The following SCG5 variants were observed in gnomAD, a reference collection of about 807,000 sequenced individuals.
The protein encoded by SCG5 is neuroendocrine protein 7B2.
SCG5 carries 18 observed loss-of-function variants against 25.7 expected under a neutral mutation model. The observed-to-expected ratio is 0.70, with a 90% CI of 0.48 to 1.04. The LOEUF (loss-of-function observed/expected upper bound fraction) is 1.04. Among genes scored for constraint, SCG5 ranks in the 50% least tolerant of loss-of-function variants. SCG5 has a pLI of 0.00. For synonymous variants in SCG5, 101 were observed against 91.7 expected (o/e 1.10, Z -0.58); for missense variants, 206 against 259.8 (o/e 0.79, Z 1.42).
intron 3 of SCG5, among the ~76,000 whole-genome samples, chr15:32,683,865 C>T (rs1335183602): frequency 6.6e-6 from 1 of 152,186 alleles, no homozygotes; most frequent in Non-Finnish European, 1.5e-5. Flanking sequence ...TCCAAGAAGC[C>T]AAAGTAGTTT....
At chr15:32,677,745 G>A (rs919911535) in intron 2 of SCG5, 1 of 152,234 alleles carries the variant, frequency 6.6e-6, no homozygotes, top group African/African-American at 2.4e-5. Flanking sequence ...CATGGAGTTG[G>A]TAAGTATGAA....
chr15:32,678,973 T>TA (rs1236180396), intron 2 of SCG5, among the ~76,000 whole-genome samples: 1 of 152,242 alleles, frequency 6.6e-6, no homozygotes, highest in African/African-American at 2.4e-5. Flanking sequence ...GTGGTTGAGC[T>TA]AAAATAGCAG....
intron 3 of SCG5, 112 bp downstream of exon 3, chr15:32,680,027 GC>G: frequency 2.0e-6 from 2 of 1,021,980 alleles, no homozygotes; most frequent in Non-Finnish European, 2.9e-6. Context: ...ATTCTGATGA[GC>G]CCATGTGTAT....
At position 32,663,078 on chromosome 15, in the gene SCG5, TA is replaced by T. The variant is rs796385048; in HGVS notation, c.227-16686del. Among the ~76,000 whole-genome samples, 166 of 52,194 alleles carry T rather than the reference TA, an allele frequency of 3.2e-3. 5 individuals carry two copies. The East Asian group carries it at 0.062, about 19-fold the overall frequency. The allele number at this position is 52,194 out of a possible 152,430, so 34.2% of individuals were successfully genotyped here. On this transcript the variant is annotated intron_variant, in intron 2 of 5. Coordinates refer to ENST00000300175, the MANE Select transcript of SCG5 (RefSeq NM_001144757.3). ...ATATATATATATATATATATATATA[TA>T]ATATATAATATGTTATATATACACA...
chr15:32,656,951 C>T (rs963663960), intron 2 of SCG5, among the ~76,000 whole-genome samples: 12 of 151,350 alleles, frequency 7.9e-5, no homozygotes, highest in African/African-American at 2.9e-4. Context: ...AGGAAGAGCA[C>T]TGAGGCAGGA....
chr15:32,656,372 C>T (rs558233307), intron 2 of SCG5: 6 of 152,318 alleles, frequency 3.9e-5, no homozygotes, highest in African/African-American at 1.2e-4. Context: ...GTGGATCAGG[C>T]ACATGTAGGA....
rs2140567465 is a variant in SCG5 at position 32,678,445 on chromosome 15, C to T, written c.227-1321C>T. Reference sequence around the variant, plus strand: ...TAAATATATGGGAAGATATTTGACCCAGCTGGTAATCAAAGACATTCAAAA... The same window carrying T: ...TAAATATATGGGAAGATATTTGACCTAGCTGGTAATCAAAGACATTCAAAA... On this transcript the variant is annotated intron_variant, in intron 2 of 5. Coordinates refer to ENST00000300175, the MANE Select transcript of SCG5 (RefSeq NM_001144757.3). 2.0e-5 allele frequency among the ~76,000 whole-genome samples: 3 copies of T among 152,154 alleles called. No individual in the cohort carries two copies. The South Asian group carries it at 6.2e-4, about 32-fold the overall frequency.
At chr15:32,695,037 A>T (rs1290712497) in intron 5 of SCG5, among the ~76,000 whole-genome samples, 11 of 144,138 alleles carry the variant, frequency 7.6e-5, no homozygotes, top group Non-Finnish European at 1.3e-4. Context: ...CTTTTTTGAG[A>T]TGGAGTCTCG....
chr15:32,647,599 C>A (rs1222731370), intron 2 of SCG5, among the ~76,000 whole-genome samples: 2 of 152,168 alleles, frequency 1.3e-5, no homozygotes, highest in African/African-American at 4.8e-5. Context: ...AGCTGCCTTT[C>A]ACAGCCTTTC....
At chr15:32,682,961 C>A (rs1032110962) in intron 3 of SCG5, among the ~76,000 whole-genome samples, 9 of 152,202 alleles carry the variant, frequency 5.9e-5, no homozygotes, top group African/African-American at 2.2e-4. Flanking sequence ...TTATCTGCAT[C>A]TCAGTCAGGG....
intron 2 of SCG5, among the ~76,000 whole-genome samples, chr15:32,652,534 G>C (rs1013529575): frequency 6.6e-6 from 1 of 152,162 alleles, no homozygotes; most frequent in African/African-American, 2.4e-5. Flanking sequence ...GAGGAGGTGG[G>C]AGAGGATGAG....
At chr15:32,693,420 C>T (rs759045757) in intron 5 of SCG5, among the ~76,000 whole-genome samples, 3 of 152,172 alleles carry the variant, frequency 2.0e-5, no homozygotes, top group Non-Finnish European at 4.4e-5. Flanking sequence ...ATATCAAGTT[C>T]TTCCTGTTCT....
intron 2 of SCG5, among the ~76,000 whole-genome samples, chr15:32,667,566 C>G (rs995413430): frequency 6.6e-6 from 1 of 152,212 alleles, no homozygotes; most frequent in Non-Finnish European, 1.5e-5. Flanking sequence ...GCTTTGTGGC[C>G]GCCTTTGAGT....
At chr15:32,686,057 C>G (rs114974150) in intron 4 of SCG5, among the ~76,000 whole-genome samples, 2 of 152,184 alleles carry the variant, frequency 1.3e-5, no homozygotes, top group Admixed American at 1.3e-4. Context: ...CTGTCTTCAA[C>G]ATACACACAT....
chr15:32,689,554 G>T (rs1271907998), intron 4 of SCG5, among the ~76,000 whole-genome samples: 1 of 152,146 alleles, frequency 6.6e-6, no homozygotes, highest in East Asian at 1.9e-4. Flanking sequence ...TAATGAACTT[G>T]AACCTGCTAC....
chr15:32,691,845 G>A (rs1555437895), intron 5 of SCG5, 82 bp downstream of exon 5: 1 of 1,563,536 alleles, frequency 6.4e-7, no homozygotes, highest in Non-Finnish European at 8.7e-7. Flanking sequence ...ACCCTCGCTT[G>A]TTGGGAAGTC....
rs769370692 is a variant in SCG5 at position 32,679,809 on chromosome 15, C to T, written c.270C>T (p.Asn90=). ...TTCAGCATTTGGGTCCTTTTGGCAACATCCCCAACATCGTGGCAGAGTTGA... is the reference window on the plus strand; with the variant it reads ...TTCAGCATTTGGGTCCTTTTGGCAATATCCCCAACATCGTGGCAGAGTTGA... ...EGLQHLGPFG[N]IPNIVAELTG... Residue 90 remains asparagine, a synonymous_variant, in exon 3 of 6, where the codon AAC becomes AAT. Coordinates refer to ENST00000300175, the MANE Select transcript of SCG5 (RefSeq NM_001144757.3). 8 of 1,613,824 alleles carry T rather than the reference C, an allele frequency of 5.0e-6. No individual in the cohort carries two copies. The South Asian group carries it at 8.8e-5, about 18-fold the overall frequency.
chr15:32,657,209 A>ATATATATATATG lies in SCG5; in HGVS notation c.226+13394_226+13395insATATATATGTAT. ...TTCTTTCATCCTCCTGTATATATAT[A>ATATATATATATG]TATGTATGTATTTCCAGGTGTAAGT... is the stretch of plus-strand genomic sequence containing the variant. On this transcript the variant is annotated intron_variant, in intron 2 of 5. Transcript: ENST00000300175. Among the ~76,000 whole-genome samples the ATATATATATATG allele has an allele frequency of 5.4e-3, 211 of 38,742 alleles. 71 individuals are homozygous for ATATATATATATG. Among genetic ancestry groups the ATATATATATATG allele is most frequent in the East Asian group, 0.014 (18 of 1,284 alleles). 25.4% of individuals were successfully genotyped at this position (38,742 alleles called of 152,430 possible).
At chr15:32,661,830 T>C (rs1303525564) in intron 2 of SCG5, among the ~76,000 whole-genome samples, 1 of 152,182 alleles carries the variant, frequency 6.6e-6, no homozygotes, top group East Asian at 1.9e-4. Context: ...ATAAAAGCTG[T>C]CGTGGATCAT....
Sources: gnomAD v4.1 joint callset for allele counts (sites outside exome capture counted in the v4.1 genomes callset) on GRCh38, gnomAD v4.1.1 for gene constraint, MANE v1.5 for transcripts, NCBI Gene and HGNC (gene_info 2026-07-23, HGNC 2026-07-21) for gene names.